KDM2A: variants seen among roughly 807,000 people sequenced by gnomAD.
KDM2A encodes lysine-specific demethylase 2A.
A neutral mutation model predicts 137.3 loss-of-function variants in KDM2A; 3 were observed. The ratio of observed to expected loss-of-function variants is 0.02; its 90% confidence interval spans 0.01 to 0.06. The LOEUF (loss-of-function observed/expected upper bound fraction) is 0.06, where lower values mean the gene tolerates loss of function less well. KDM2A is among the 10% of genes least tolerant of loss of function. KDM2A has a pLI of 1.00. For missense variants in KDM2A, 738 were observed against 1,510.6 expected (o/e 0.49, Z 8.48); for synonymous variants, 512 against 541.5 (o/e 0.95, Z 0.76).
chr11:67,217,229 T>G (rs1858193067), intron 8 of KDM2A, among the ~76,000 whole-genome samples: 2 of 117,032 alleles, frequency 1.7e-5, no homozygotes, highest in Non-Finnish European at 3.3e-5. Context: ...ACTACAAGAG[T>G]GAAACTCTGT....
intron 2 of KDM2A, among the ~76,000 whole-genome samples, chr11:67,172,291 A>G (rs945336815): frequency 6.6e-6 from 1 of 152,026 alleles, no homozygotes; most frequent in Non-Finnish European, 1.5e-5. Flanking sequence ...GAATTTTAGG[A>G]TCATCTTGCT....
intron 12 of KDM2A, among the ~76,000 whole-genome samples, chr11:67,241,272 C>T (rs1859033241): frequency 6.6e-6 from 1 of 152,082 alleles, no homozygotes; most frequent in African/African-American, 2.4e-5. Flanking sequence ...CACCACACCC[C>T]GCCTCTTCAC....
At chr11:67,212,531 T>C (rs1007928660) in intron 6 of KDM2A, among the ~76,000 whole-genome samples, 6 of 152,190 alleles carry the variant, frequency 3.9e-5, no homozygotes, top group Non-Finnish European at 7.3e-5. Flanking sequence ...ATAGACTAGG[T>C]TCATGATATT....
At chr11:67,240,139 G>A (rs545211460) in intron 12 of KDM2A, 82 of 1,412,148 alleles carry the variant, frequency 5.8e-5, no homozygotes, top group Non-Finnish European at 4.7e-5. Flanking sequence ...GGCTCGAGAA[G>A]GAGCCCAGAG....
At chr11:67,192,258 A>G (rs1857373627) in intron 5 of KDM2A, among the ~76,000 whole-genome samples, 1 of 152,046 alleles carries the variant, frequency 6.6e-6, no homozygotes. Context: ...AGACATGCAT[A>G]TTGCTTTGCA....
intron 2 of KDM2A, among the ~76,000 whole-genome samples, chr11:67,153,185 A>G (rs1270485497): frequency 6.6e-6 from 1 of 152,012 alleles, no homozygotes; most frequent in Non-Finnish European, 1.5e-5. Flanking sequence ...GGGTTTCACT[A>G]TGTTGGTCAG....
At chr11:67,157,669 G>A (rs552877774) in intron 2 of KDM2A, among the ~76,000 whole-genome samples, 1 of 151,440 alleles carries the variant, frequency 6.6e-6, no homozygotes, top group South Asian at 2.1e-4. Context: ...CGCTGGAACT[G>A]GGGAGGTGGG....
intron 2 of KDM2A, among the ~76,000 whole-genome samples, chr11:67,123,275 CTTTTTTTTT>C (rs575165830): frequency 7.1e-4 from 51 of 71,490 alleles, no homozygotes; most frequent in African/African-American, 1.8e-3. Context: ...CAGTACCTGG[CTTTTTTTTT>C]TTTTTTTTTT....
At chr11:67,211,637 AAAAG>A (rs1857989304) in intron 6 of KDM2A, among the ~76,000 whole-genome samples, 2 of 149,730 alleles carry the variant, frequency 1.3e-5, no homozygotes, top group African/African-American at 4.9e-5. Context: ...AAAAAAAAAA[AAAAG>A]AATATATATA....
intron 2 of KDM2A, among the ~76,000 whole-genome samples, chr11:67,132,663 G>T (rs1390770588): frequency 6.6e-6 from 1 of 152,178 alleles, no homozygotes; most frequent in East Asian, 1.9e-4. Context: ...GGTCGGGGTG[G>T]TCTAGAAAGA....
At chr11:67,125,144 A>G (rs1855690389) in intron 2 of KDM2A, among the ~76,000 whole-genome samples, 1 of 149,290 alleles carries the variant, frequency 6.7e-6, no homozygotes, top group African/African-American at 2.5e-5. Flanking sequence ...TACAGGCTTG[A>G]GCCACCGCAC....
intron 6 of KDM2A, among the ~76,000 whole-genome samples, chr11:67,213,900 T>A (rs1017773986): frequency 6.6e-6 from 1 of 152,218 alleles, no homozygotes; most frequent in Non-Finnish European, 1.5e-5. Flanking sequence ...AGTCTTGCCC[T>A]GTTGCCCAAG....
chr11:67,193,632 A>G (rs1417902180), intron 5 of KDM2A, among the ~76,000 whole-genome samples: 1 of 152,156 alleles, frequency 6.6e-6, no homozygotes, highest in Non-Finnish European at 1.5e-5. Context: ...AGGCTGAGGC[A>G]GACAGATCAC....
At chr11:67,145,975 C>T (rs1046555071) in intron 2 of KDM2A, among the ~76,000 whole-genome samples, 9 of 148,862 alleles carry the variant, frequency 6.0e-5, no homozygotes, top group South Asian at 4.2e-4. Flanking sequence ...CTGTTCTTCC[C>T]GTTTTTTGTT....
At chr11:67,247,055 ATATATATATATATATATTTTTTT>A (rs1859250392) in intron 15 of KDM2A, among the ~76,000 whole-genome samples, 2 of 22,644 alleles carry the variant, frequency 8.8e-5, no homozygotes, top group African/African-American at 3.4e-4. Flanking sequence ...ATATATATAT[ATATATATATATATATATTTTTTT>A]TTTTTTTTTT....
intron 2 of KDM2A, among the ~76,000 whole-genome samples, chr11:67,171,094 G>A (rs1471819918): frequency 2.0e-5 from 3 of 152,126 alleles, no homozygotes; most frequent in Non-Finnish European, 2.9e-5. Flanking sequence ...GCACATGGTA[G>A]GTACTTAAAC....
chr11:67,232,503 T>C (rs893325715), intron 12 of KDM2A, among the ~76,000 whole-genome samples: 3 of 152,218 alleles, frequency 2.0e-5, no homozygotes, highest in South Asian at 2.1e-4. Flanking sequence ...TTTTTAATTA[T>C]ACTTTAAGTT....
chr11:67,176,734 C>T (rs568787750), intron 2 of KDM2A, among the ~76,000 whole-genome samples: 152 of 152,020 alleles, frequency 1.0e-3, no homozygotes, highest in Non-Finnish European at 1.9e-3. Context: ...TATAGCATGC[C>T]AGTAAATATT....
At chr11:67,233,678 G>C (rs1181702955) in intron 12 of KDM2A, among the ~76,000 whole-genome samples, 2 of 143,776 alleles carry the variant, frequency 1.4e-5, no homozygotes, top group South Asian at 4.6e-4. Flanking sequence ...AAATCCATTG[G>C]AGTAGTTTAA....
Sources: gnomAD v4.1 joint callset for allele counts (sites outside exome capture counted in the v4.1 genomes callset) on GRCh38, gnomAD v4.1.1 for gene constraint, MANE v1.5 for transcripts, NCBI Gene and HGNC (gene_info 2026-07-23, HGNC 2026-07-21) for gene names.